ASTN2: variants seen among roughly 807,000 people sequenced by gnomAD.
ASTN2 encodes astrotactin 2.
In ASTN2, 54 loss-of-function variants were observed where a neutral mutation model predicts 139.8. That is an observed-to-expected ratio of 0.39 (90% CI 0.31 to 0.48). The LOEUF (loss-of-function observed/expected upper bound fraction) is 0.48. ASTN2 is among the 20% of genes least tolerant of loss of function. The probability of loss-of-function intolerance (pLI) is 0.95; values close to 1 mark genes in which losing one functional copy is unlikely to be tolerated. For synonymous variants in ASTN2, 756 were observed against 719.5 expected (o/e 1.05, Z -0.81); for missense variants, 1,565 against 1,725.1 (o/e 0.91, Z 1.64).
At chr9:117,124,756 C>T (rs1490295273) in intron 4 of ASTN2, among the ~76,000 whole-genome samples, 3 of 150,810 alleles carry the variant, frequency 2.0e-5, no homozygotes, top group South Asian at 2.1e-4. Flanking sequence ...AGCGAGCCAC[C>T]GTTGCACCAC....
At chr9:117,055,697 G>A (rs957149457) in intron 5 of ASTN2, among the ~76,000 whole-genome samples, 1 of 152,156 alleles carries the variant, frequency 6.6e-6, no homozygotes, top group Non-Finnish European at 1.5e-5. Flanking sequence ...GTACATGGAC[G>A]TGAACGAGCA....
At chr9:117,366,539 A>C (rs973877589) in intron 1 of ASTN2, among the ~76,000 whole-genome samples, 50 of 152,212 alleles carry the variant, frequency 3.3e-4, no homozygotes, top group African/African-American at 1.2e-3. Context: ...TGATCTTTTC[A>C]TAAGAAATCC....
At chr9:117,399,315 G>A (rs1830761531) in intron 1 of ASTN2, among the ~76,000 whole-genome samples, 1 of 151,918 alleles carries the variant, frequency 6.6e-6, no homozygotes. Context: ...AAGGAGTGAG[G>A]GAATATTCAC....
chr9:116,671,070 G>A (rs1859167437), intron 16 of ASTN2, among the ~76,000 whole-genome samples: 1 of 151,984 alleles, frequency 6.6e-6, no homozygotes, highest in African/African-American at 2.4e-5. Flanking sequence ...TCAACTCTTA[G>A]GTAGGCAGTT....
At chr9:117,319,714 G>A (rs536412626) in intron 1 of ASTN2, among the ~76,000 whole-genome samples, 29 of 152,080 alleles carry the variant, frequency 1.9e-4, no homozygotes, top group African/African-American at 6.7e-4. Context: ...GGGATTACAG[G>A]CATTAGCCAC....
intron 20 of ASTN2, among the ~76,000 whole-genome samples, chr9:116,470,857 A>G (rs1001416277): frequency 6.6e-6 from 1 of 152,162 alleles, no homozygotes; most frequent in African/African-American, 2.4e-5. Flanking sequence ...CATAATGCCA[A>G]TGCTTTATGG....
At chr9:116,532,789 G>A (rs551099833) in intron 19 of ASTN2, among the ~76,000 whole-genome samples, 57 of 152,284 alleles carry the variant, frequency 3.7e-4, no homozygotes, top group Non-Finnish European at 6.8e-4. Flanking sequence ...TTGAAGTCAG[G>A]TAGTGTGATG....
At chr9:117,200,482 G>T (rs1453581234) in intron 3 of ASTN2, among the ~76,000 whole-genome samples, 1 of 152,090 alleles carries the variant, frequency 6.6e-6, no homozygotes, top group African/African-American at 2.4e-5. Flanking sequence ...CATTCAATAT[G>T]ATATTGGCTG....
intron 17 of ASTN2, among the ~76,000 whole-genome samples, chr9:116,631,667 G>C (rs931874913): frequency 6.6e-6 from 1 of 152,238 alleles, no homozygotes; most frequent in Admixed American, 6.5e-5. Flanking sequence ...ACAGTAGGAT[G>C]ACTATAGTTA....
At chr9:116,687,801 C>T (rs1860347989) in intron 16 of ASTN2, among the ~76,000 whole-genome samples, 1 of 151,762 alleles carries the variant, frequency 6.6e-6, no homozygotes, top group South Asian at 2.1e-4. Context: ...TTGAGGAAAT[C>T]TGGGGGCGCT....
chr9:117,376,908 A>G (rs564555900), intron 1 of ASTN2, among the ~76,000 whole-genome samples: 2 of 152,300 alleles, frequency 1.3e-5, no homozygotes, highest in East Asian at 3.9e-4. Flanking sequence ...GTTTGAAGAC[A>G]GACCGCTAGC....
At chr9:116,426,116 T>G (rs768898535) in intron 22 of ASTN2, 28 bp from the exon 23 acceptor site, 17 of 1,607,896 alleles carry the variant, frequency 1.1e-5, no homozygotes, top group Non-Finnish European at 1.4e-5. Flanking sequence ...ACAGCCATGA[T>G]TAAAGAAGTC....
At position 116,714,011 on chromosome 9, in the gene ASTN2, A is replaced by T. The variant is rs539420494; in HGVS notation, c.2806+11760T>A. ...ATAATTTGGACCTCACAGGGTTGTT[A>T]TGAAGACAATATGAGATCATGTGAT... On this transcript the variant is annotated intron_variant, in intron 16 of 22. Coordinates refer to ENST00000313400, the MANE Select transcript of ASTN2 (RefSeq NM_001365068.1). Among the ~76,000 whole-genome samples, 5 of 152,314 alleles carry T rather than the reference A, an allele frequency of 3.3e-5. No individual in the cohort carries two copies. In the East Asian group the frequency reaches 9.6e-4, roughly 29 times the overall value.
chr9:116,977,851 G>A (rs1296477074), intron 7 of ASTN2, among the ~76,000 whole-genome samples: 1 of 151,384 alleles, frequency 6.6e-6, no homozygotes, highest in Non-Finnish European at 1.5e-5. Flanking sequence ...CGAGTAGCTG[G>A]GATTACAGGC....
At chr9:116,751,189 T>C (rs1383131450) in intron 13 of ASTN2, among the ~76,000 whole-genome samples, 1 of 152,210 alleles carries the variant, frequency 6.6e-6, no homozygotes, top group East Asian at 1.9e-4. Context: ...GTACCTACTT[T>C]TATAAATTCA....
At position 116,847,144 on chromosome 9, in the gene ASTN2, T is replaced by G. The variant is rs1832463965; in HGVS notation, c.2040+16439A>C. Among the ~76,000 whole-genome samples the G allele has an allele frequency of 2.0e-5, 3 of 151,742 alleles. No individual in the cohort carries two copies. The South Asian group carries it at 6.2e-4, about 32-fold the overall frequency. The stretch of plus-strand genomic sequence containing the variant: ...TTTTGTTTTGTTTTTTGAGATGGAG[T>G]CTTGCTCTGTCACCAGACTGGAGTG... On this transcript the variant is annotated intron_variant, in intron 11 of 22. Transcript: ENST00000313400.
rs930475679 is a variant in ASTN2, at chr9:116,461,784, C to T, written c.3498-19231G>A. ...TGTAGTAGGTATGTCCAGTGAGTGA[C>T]GATTAATGCTTTGTTATGTTATGCA... On this transcript the variant is annotated intron_variant, in intron 20 of 22. Transcript: ENST00000313400. Among the ~76,000 whole-genome samples the T allele has an allele frequency of 3.9e-5, 6 of 152,096 alleles. No individual in the cohort carries two copies. The East Asian group carries it at 9.6e-4, about 24-fold the overall frequency.
At chr9:117,089,154 G>A (rs985149954) in intron 5 of ASTN2, among the ~76,000 whole-genome samples, 7 of 152,170 alleles carry the variant, frequency 4.6e-5, no homozygotes, top group South Asian at 2.1e-4. Flanking sequence ...AAACTACAAC[G>A]GGGCTCAGTC....
chr9:117,362,977 G>T (rs1587981739), intron 1 of ASTN2, among the ~76,000 whole-genome samples: 1 of 152,272 alleles, frequency 6.6e-6, no homozygotes, highest in East Asian at 1.9e-4. Flanking sequence ...CTCTTGGTGT[G>T]TGTGTACCAT....
Sources: allele counts gnomAD v4.1 joint callset (sites outside exome capture counted in the v4.1 genomes callset), GRCh38; gene constraint gnomAD v4.1.1; transcripts MANE v1.5; gene names NCBI Gene and HGNC (gene_info 2026-07-23, HGNC 2026-07-21).